MYO7B: variants seen among roughly 807,000 people sequenced by gnomAD.
The protein encoded by MYO7B is unconventional myosin-VIIb.
In MYO7B, 212 loss-of-function variants were observed where a neutral mutation model predicts 259.7. The observed-to-expected ratio is 0.82, with a 90% CI of 0.73 to 0.91. The LOEUF (loss-of-function observed/expected upper bound fraction) is 0.91, where lower values mean the gene tolerates loss of function less well. MYO7B is among the 40% of genes least tolerant of loss of function. The pLI, the probability that MYO7B is intolerant of heterozygous loss-of-function variation, is 0.00. For synonymous variants in MYO7B, 1,197 were observed against 1,166.4 expected (o/e 1.03, Z -0.54); for missense variants, 2,732 against 2,813.5 (o/e 0.97, Z 0.66).
rs1692906506 is a variant in MYO7B, at chr2:127,539,099, G to C, written c.-24+3268G>C. Among the ~76,000 whole-genome samples the C allele has an allele frequency of 6.6e-6, 1 of 152,162 alleles. No homozygotes were observed. The highest frequency in any genetic ancestry group is 2.4e-5 in the African/African-American group (1 of 41,432). ...TGAGGGTATGAAAAGGAACCACAGG[G>C]CAGTGGTTCATGCACAAGTATATGT... On this transcript the variant is annotated intron_variant, in intron 1 of 47. Transcript: ENST00000409816. This position sits in a 1 kb window ranked among gnomAD's most constrained non-coding sequence, Gnocchi z 4.0.
At chr2:127,564,012 G>A (rs1167923478) in intron 2 of MYO7B, 141 bp from the exon 3 acceptor site, 5 of 587,480 alleles carry the variant, frequency 8.5e-6, no homozygotes, top group Middle Eastern at 2.7e-4. Flanking sequence ...ATGGGAGAGG[G>A]GAGGAGAGGA....
Position 127,548,731 on chromosome 2 carries a change from T to C in MYO7B, c.-23-10969T>C, listed in dbSNP as rs1291102207. Among the ~76,000 whole-genome samples the C allele has an allele frequency of 2.0e-5, 3 of 152,188 alleles. 1 individual carries two copies. The highest frequency in any genetic ancestry group is 4.8e-5 in the African/African-American group (2 of 41,444). On this transcript the variant is annotated intron_variant, in intron 1 of 47. Transcript: ENST00000409816. Reference sequence around the variant, plus strand: ...GCCCGGCCTCTAGATTTTTTAACTATGCATTCAGCACTATAAATTTCCCTT... The same window carrying C: ...GCCCGGCCTCTAGATTTTTTAACTACGCATTCAGCACTATAAATTTCCCTT...
At chr2:127,537,723 A>AAGGAGG (rs1365374755) in intron 1 of MYO7B, among the ~76,000 whole-genome samples, 2 of 151,022 alleles carry the variant, frequency 1.3e-5, no homozygotes, top group African/African-American at 2.4e-5. Context: ...GGAGAAGGAG[A>AAGGAGG]AGGAGGAGGA....
In MYO7B at chr2:127,614,135, C is replaced by G. The variant is rs750048321; in HGVS notation, c.3398+1532C>G. Among the ~76,000 whole-genome samples the G allele has an allele frequency of 6.6e-6, 1 of 152,100 alleles. No individual in the cohort carries two copies. Among genetic ancestry groups the G allele is most frequent in the South Asian group, 2.1e-4 (1 of 4,836 alleles). ...ACACCACACCCTCCAATATGGCAGA[C>G]ACATAAAAGCTATATTCGAATGATG... On this transcript the variant is annotated intron_variant, in intron 26 of 47. Transcript: ENST00000409816. The surrounding 1 kb of genome is among the most constrained non-coding windows in gnomAD (Gnocchi z 4.6).
chr2:127,608,152 G>A (rs987155218), intron 21 of MYO7B, among the ~76,000 whole-genome samples: 5 of 152,182 alleles, frequency 3.3e-5, no homozygotes, highest in South Asian at 2.1e-4. Context: ...CTAGGATGAC[G>A]TTGACTTCTG....
In MYO7B at chr2:127,631,703, G is replaced by A. The variant is rs1190414983; in HGVS notation, c.5199G>A (p.Gln1733=). ...FTLALQHPAL[Q]DEVYCQILKQ... Reference sequence around the variant, plus strand: ...TGGCCCTGCAGCACCCGGCCCTCCAGGACGAGGTCTACTGCCAGATCCTGA... The same window carrying A: ...TGGCCCTGCAGCACCCGGCCCTCCAAGACGAGGTCTACTGCCAGATCCTGA... The change falls in exon 38 of 48, where the codon CAG becomes CAA. Residue 1733 remains glutamine (Q), a synonymous_variant. Transcript: ENST00000409816. The A allele has an allele frequency of 6.2e-7, 1 of 1,613,008 alleles. No individual in the cohort carries two copies.
rs758185649 is a variant in MYO7B, at chr2:127,623,307, C to T, written c.3751C>T (p.His1251Tyr). ...CTCCACATCTCGGGAAATGTGCATG[C>T]ACATCGCTCACAAGCAGGGCCTCAG... ...SASTSREMCM[H>Y]IAHKQGLSDH... Residue 1251 changes from histidine (H) to tyrosine (Y), a missense_variant, in exon 29 of 48, where the codon CAC becomes TAC. Transcript: ENST00000409816. The T allele has an allele frequency of 1.2e-6, 2 of 1,612,982 alleles. No homozygotes were observed. Among genetic ancestry groups the T allele is most frequent in the Admixed American group, 3.3e-5 (2 of 59,942 alleles).
In MYO7B at chr2:127,576,745, G is replaced by T. The variant is rs772123053; in HGVS notation, c.849+37G>T. On this transcript the variant is annotated intron_variant, in intron 8 of 47. Transcript: ENST00000409816. This position sits in a 1 kb window ranked among gnomAD's most constrained non-coding sequence, Gnocchi z 4.9. ...ACCTGCCGCCTCCCAGTAGCCAGTG[G>T]AAGGGAGGAAAAAGAGCTTGTGCCG... 6 of 1,430,234 alleles carry T rather than the reference G, an allele frequency of 4.2e-6. No individual in the cohort carries two copies. The highest frequency in any genetic ancestry group is 4.9e-6 in the Non-Finnish European group (5 of 1,023,630). 88.6% of individuals were successfully genotyped at this position (1,430,234 alleles called of 1,614,324 possible).
At chr2:127,587,813 T>C (rs1464643657) in intron 14 of MYO7B, among the ~76,000 whole-genome samples, 1 of 152,114 alleles carries the variant, frequency 6.6e-6, no homozygotes, top group Non-Finnish European at 1.5e-5. Flanking sequence ...GTGATCCACC[T>C]GCCTCAGCCT....
chr2:127,541,608 C>A (rs1423007401), intron 1 of MYO7B, among the ~76,000 whole-genome samples: 2 of 152,150 alleles, frequency 1.3e-5, no homozygotes, highest in Non-Finnish European at 2.9e-5. Flanking sequence ...TACACGGGAG[C>A]CATATGGCAC....
At chr2:127,574,157 C>T in intron 7 of MYO7B, 95 bp downstream of exon 7, 15 of 1,492,202 alleles carry the variant, frequency 1.0e-5, no homozygotes, top group Non-Finnish European at 1.4e-5. Flanking sequence ...TCCCCTCTTC[C>T]CCAAGGGCCC....
chr2:127,585,065 G>T lies in MYO7B; in HGVS notation c.1690+152G>T, dbSNP rs754432234. Among the ~76,000 whole-genome samples the T allele has an allele frequency of 6.6e-6, 1 of 152,186 alleles. No individual in the cohort carries two copies. Among genetic ancestry groups the T allele is most frequent in the Non-Finnish European group, 1.5e-5 (1 of 68,040 alleles). On this transcript the variant is annotated intron_variant, in intron 14 of 47. Transcript: ENST00000409816. This position sits in a 1 kb window ranked among gnomAD's most constrained non-coding sequence, Gnocchi z 4.3. ...TGGCTTCTACTGGAGAAAGAAAATG[G>T]AGTGGACCGGGCATGTTTTGTTTTG...
intron 35 of MYO7B, 25 bp from the exon 36 acceptor site, chr2:127,630,753 A>AC (rs1681436730): frequency 1.2e-6 from 2 of 1,609,888 alleles, no homozygotes; most frequent in East Asian, 4.5e-5. Context: ...GCTCCTGGGC[A>AC]CCCACAGGCC....
At chr2:127,543,884 A>G (rs890148089) in intron 1 of MYO7B, among the ~76,000 whole-genome samples, 2 of 152,004 alleles carry the variant, frequency 1.3e-5, no homozygotes, top group African/African-American at 4.8e-5. Context: ...AGCTGGGACT[A>G]CAGGCACCTG....
rs758146397 is a variant in MYO7B at position 127,608,707 on chromosome 2, G to A, written c.2644-1G>A. 4 of 1,610,336 alleles carry A rather than the reference G, an allele frequency of 2.5e-6. No homozygotes were observed. The highest frequency in any genetic ancestry group is 3.4e-6 in the Non-Finnish European group (4 of 1,177,870). Reference sequence around the variant, plus strand: ...GTAACCTTCCTCCACGGGGTATGCAGGCGCCGCTGGTCATCCCGGCCGAGG... The same window carrying A: ...GTAACCTTCCTCCACGGGGTATGCAAGCGCCGCTGGTCATCCCGGCCGAGG... On this transcript the variant is annotated splice_acceptor_variant, in intron 21 of 47. Transcript: ENST00000409816. LOFTEE classifies it high-confidence loss of function.
chr2:127,633,422 C>T (rs1352770555), intron 40 of MYO7B, 59 bp downstream of exon 40: 7 of 1,529,724 alleles, frequency 4.6e-6, no homozygotes, highest in African/African-American at 4.1e-5. Context: ...CATGGGGCAT[C>T]CTCCTTCCTG....
chr2:127,624,207 C>A lies in MYO7B; in HGVS notation c.3934C>A (p.Arg1312=). ...CCAGTCACCCTGGCGCATCTACTTC[C>A]GGAAGGAATTCTTCACCCCCTGGCA... ...QRQSPWRIYF[R]KEFFTPWHDS... The change falls in exon 30 of 48, where the codon CGG becomes AGG. Residue 1312 remains arginine (R), a synonymous_variant. Coordinates refer to ENST00000409816, the MANE Select transcript of MYO7B (RefSeq NM_001393586.1). The A allele has an allele frequency of 6.3e-7, 1 of 1,597,506 alleles. No homozygotes were observed. The highest frequency in any genetic ancestry group is 1.3e-5 in the African/African-American group (1 of 74,650).
intron 26 of MYO7B, among the ~76,000 whole-genome samples, chr2:127,616,705 A>G (rs1489877685): frequency 6.6e-6 from 1 of 152,154 alleles, no homozygotes; most frequent in African/African-American, 2.4e-5. Context: ...GCATTCCTGG[A>G]GAGAGGGAAT....
At chr2:127,593,019 C>T in intron 17 of MYO7B, 73 bp downstream of exon 17, 2 of 1,527,756 alleles carry the variant, frequency 1.3e-6, no homozygotes, top group South Asian at 2.4e-5. Flanking sequence ...CTCCAGCCCC[C>T]AGTACCGAGG....
Sources: gnomAD v4.1 joint callset for allele counts (sites outside exome capture counted in the v4.1 genomes callset) on GRCh38, gnomAD v4.1.1 for gene constraint, Gnocchi (gnomAD v3.1) non-coding constraint, MANE v1.5 for transcripts, NCBI Gene and HGNC (gene_info 2026-07-23, HGNC 2026-07-21) for gene names.